Variants in DLG2 observed in about 807,000 individuals in gnomAD.
DLG2 encodes disks large homolog 2.
In DLG2, 45 loss-of-function variants were observed where a neutral mutation model predicts 132.5. The observed-to-expected ratio is 0.34, with a 90% CI of 0.27 to 0.44. DLG2 has a LOEUF of 0.44. DLG2 is among the 20% of genes least tolerant of loss of function. The probability of loss-of-function intolerance (pLI) is 1.00; values close to 1 mark genes in which losing one functional copy is unlikely to be tolerated. For synonymous variants in DLG2, 424 were observed against 419.6 expected, an observed-to-expected ratio of 1.01 and a Z score of -0.13; for missense variants, 1,045 against 1,196.9, an observed-to-expected ratio of 0.87 and a Z score of 1.87.
chr11:84,819,401 A>G lies in DLG2; in HGVS notation c.358-284670T>C, dbSNP rs532315585. 2.5e-4 allele frequency among the ~76,000 whole-genome samples: 38 copies of G among 152,044 alleles called. 1 individual carries two copies. The highest frequency in any genetic ancestry group is 6.8e-3 in the Middle Eastern group (2 of 294). On this transcript the variant is annotated intron_variant, in intron 6 of 27. Transcript: ENST00000376104. ...GTTTTTCTTCAGTGACACTGAGAAG[A>G]GAAAAGCCTTCACCAGTCCTCTTCA...
chr11:84,612,345 T>C (rs1401183362), intron 6 of DLG2, among the ~76,000 whole-genome samples: 1 of 152,126 alleles, frequency 6.6e-6, no homozygotes, highest in Non-Finnish European at 1.5e-5. Context: ...TATATTTGGG[T>C]ATTTCCACCA....
chr11:83,699,018 G>A (rs67463881), intron 18 of DLG2, among the ~76,000 whole-genome samples: 29,695 of 152,090 alleles, frequency 0.2, 3,108 homozygotes, highest in South Asian at 0.24. Context: ...AAAAAAAATA[G>A]TTCTGAATAT....
intron 3 of DLG2, among the ~76,000 whole-genome samples, chr11:85,544,296 G>T (rs377389547): frequency 1.3e-4 from 20 of 152,238 alleles, no homozygotes; most frequent in African/African-American, 4.8e-4. Flanking sequence ...AAAATCAAAT[G>T]GTGGTAGATG....
At chr11:84,324,161 T>G (rs2098419446) in intron 7 of DLG2, among the ~76,000 whole-genome samples, 2 of 152,120 alleles carry the variant, frequency 1.3e-5, no homozygotes, top group South Asian at 4.1e-4. Context: ...GGATTTTCTT[T>G]ATATTTTTAT....
intron 6 of DLG2, among the ~76,000 whole-genome samples, chr11:84,959,400 G>A (rs1384153186): frequency 1.3e-5 from 2 of 152,088 alleles, no homozygotes; most frequent in Non-Finnish European, 2.9e-5. Context: ...ATAAAACAGA[G>A]CCCCTTCCTT....
intron 16 of DLG2, among the ~76,000 whole-genome samples, chr11:83,843,929 T>C (rs1452963474): frequency 6.6e-6 from 1 of 152,206 alleles, no homozygotes; most frequent in Non-Finnish European, 1.5e-5. Context: ...TAAAATACTT[T>C]TAAATGCTTG....
chr11:84,855,066 G>A (rs1315582346), intron 6 of DLG2, among the ~76,000 whole-genome samples: 1 of 152,024 alleles, frequency 6.6e-6, no homozygotes, highest in African/African-American at 2.4e-5. Flanking sequence ...CCATGGTTGT[G>A]TCAGATGACG....
At chr11:84,507,486 T>C (rs934091529) in intron 7 of DLG2, among the ~76,000 whole-genome samples, 1 of 152,206 alleles carries the variant, frequency 6.6e-6, no homozygotes, top group Non-Finnish European at 1.5e-5. Flanking sequence ...ATTGAGCCCT[T>C]ACTTTTGTAA....
intron 17 of DLG2, among the ~76,000 whole-genome samples, chr11:83,832,995 G>A (rs1177581706): frequency 6.6e-6 from 1 of 152,130 alleles, no homozygotes; most frequent in Non-Finnish European, 1.5e-5. Context: ...AATAAAATAA[G>A]TAATATATCA....
chr11:83,973,983 G>GA lies in DLG2; in HGVS notation c.1056+6522dup, dbSNP rs113580088. ...CTAACTGAGTTCTAACTTTCCTTCT[G>GA]AAAAATAAGAATAACAGTAATGACT... is the stretch of plus-strand genomic sequence containing the variant. On this transcript the variant is annotated intron_variant, in intron 12 of 27. Transcript: ENST00000376104. 7.2e-5 allele frequency among the ~76,000 whole-genome samples: 11 copies of GA among 152,122 alleles called. 2 individuals carry two copies. Among genetic ancestry groups the GA allele is most frequent in the African/African-American group, 2.6e-4 (11 of 41,530 alleles).
At chr11:83,890,573 TC>T (rs1211244225) in intron 15 of DLG2, among the ~76,000 whole-genome samples, 4 of 152,196 alleles carry the variant, frequency 2.6e-5, no homozygotes, top group Non-Finnish European at 5.9e-5. Flanking sequence ...TTCTCACCTT[TC>T]TTAATGAGGT....
chr11:84,770,474 C>T (rs1028965011), intron 6 of DLG2, among the ~76,000 whole-genome samples: 7 of 152,050 alleles, frequency 4.6e-5, no homozygotes, highest in Non-Finnish European at 2.9e-5. Flanking sequence ...CCTCCGCCCT[C>T]GAGCAGGTCC....
chr11:83,715,829 C>T (rs916180683), intron 18 of DLG2, among the ~76,000 whole-genome samples: 1 of 152,160 alleles, frequency 6.6e-6, no homozygotes, highest in Admixed American at 6.5e-5. Context: ...TTTCTACTTA[C>T]TGTTCCTTCT....
At chr11:84,018,373 G>C (rs1162048881) in intron 11 of DLG2, among the ~76,000 whole-genome samples, 4 of 151,688 alleles carry the variant, frequency 2.6e-5, no homozygotes, top group African/African-American at 9.7e-5. Flanking sequence ...TTGAGAACTG[G>C]GTAAGTAGTA....
intron 17 of DLG2, among the ~76,000 whole-genome samples, chr11:83,798,652 A>G (rs2043487010): frequency 6.6e-6 from 1 of 152,196 alleles, no homozygotes; most frequent in Admixed American, 6.5e-5. Context: ...GTTTCAAGCC[A>G]ATAATTTCAC....
chr11:85,517,788 C>T lies in DLG2; in HGVS notation c.40+80869G>A, dbSNP rs572879566. Among the ~76,000 whole-genome samples the T allele has an allele frequency of 1.1e-4, 17 of 152,130 alleles. 1 individual carries two copies. The South Asian group carries it at 3.3e-3, about 30-fold the overall frequency. ...TGACATGGCTTGGCTGTGTCCCCAC[C>T]CAAATCTCATCATGAATTCCCACGT... On this transcript the variant is annotated intron_variant, in intron 3 of 27. Coordinates refer to ENST00000376104, the MANE Select transcript of DLG2 (RefSeq NM_001142699.3).
chr11:84,094,081 G>A (rs750818566), intron 10 of DLG2, among the ~76,000 whole-genome samples: 13 of 151,854 alleles, frequency 8.6e-5, no homozygotes, highest in Non-Finnish European at 1.8e-4. Context: ...TTTAAGCGTC[G>A]TTGTTGTTTT....
chr11:85,022,863 G>T (rs1012744943), intron 6 of DLG2, among the ~76,000 whole-genome samples: 1 of 151,964 alleles, frequency 6.6e-6, no homozygotes, highest in South Asian at 2.1e-4. Context: ...TTCCCCAAAT[G>T]CAAGTATTAG....
intron 5 of DLG2, among the ~76,000 whole-genome samples, chr11:85,151,569 G>A (rs1431729167): frequency 6.6e-6 from 1 of 151,908 alleles, no homozygotes; most frequent in Non-Finnish European, 1.5e-5. Flanking sequence ...TTTTGTATAT[G>A]GTATAAAGTA....
Sources: gnomAD v4.1 joint callset for allele counts (sites outside exome capture counted in the v4.1 genomes callset) on GRCh38, gnomAD v4.1.1 for gene constraint, MANE v1.5 for transcripts, NCBI Gene and HGNC (gene_info 2026-07-23, HGNC 2026-07-21) for gene names.